NEDD1: variants seen among roughly 807,000 people sequenced by gnomAD.
NEDD1 encodes protein NEDD1.
NEDD1 carries 33 observed loss-of-function variants against 74.0 expected under a neutral mutation model. That is an observed-to-expected ratio of 0.45 (90% confidence interval 0.34 to 0.60). NEDD1 has a LOEUF of 0.60. Ranked by LOEUF, NEDD1 falls within the 20% of genes least tolerant of loss-of-function variation. The pLI is 0.01. For synonymous variants in NEDD1, 250 were observed against 264.4 expected, an observed-to-expected ratio of 0.95 and a Z score of 0.53; for missense variants, 746 against 776.5, an observed-to-expected ratio of 0.96 and a Z score of 0.47.
intron 6 of NEDD1, among the ~76,000 whole-genome samples, chr12:96,921,083 G>T (rs550706437): frequency 6.6e-6 from 1 of 152,114 alleles, no homozygotes; most frequent in East Asian, 1.9e-4. Flanking sequence ...TTTCAGCTAC[G>T]TCTAAGGCTT....
At chr12:96,942,025 C>T (rs1440853630) in intron 10 of NEDD1, among the ~76,000 whole-genome samples, 1 of 152,034 alleles carries the variant, frequency 6.6e-6, no homozygotes, top group African/African-American at 2.4e-5. Flanking sequence ...TTGAATTTTA[C>T]AATTTTTGTT....
At chr12:96,919,854 G>GTA (rs1223972906) in intron 5 of NEDD1, 131 bp from the exon 6 acceptor site, 3 of 559,654 alleles carry the variant, frequency 5.4e-6, no homozygotes, top group Non-Finnish European at 9.3e-6. Context: ...ATAATTCTCT[G>GTA]TATATTTGAG....
chr12:96,933,538 C>CA (rs2136576743), intron 6 of NEDD1, among the ~76,000 whole-genome samples: 1 of 152,116 alleles, frequency 6.6e-6, no homozygotes, highest in East Asian at 1.9e-4. Flanking sequence ...TTTTTCCCAA[C>CA]AAAAATAAAA....
chr12:96,908,011 A>G lies in NEDD1; in HGVS notation c.-9+155A>G, dbSNP rs1230524300. Among the ~76,000 whole-genome samples the G allele has an allele frequency of 5.3e-5, 8 of 152,300 alleles. No homozygotes were observed. In the East Asian group the frequency reaches 9.7e-4, roughly 18 times the overall value. On this transcript the variant is annotated intron_variant, in intron 2 of 15. Coordinates refer to ENST00000266742, the MANE Select transcript of NEDD1 (RefSeq NM_152905.4). ...CAGTGATCTACCCACTACACCCCGC[A>G]GCTCACCAGGCCTGGTTACGATGCA...
intron 10 of NEDD1, among the ~76,000 whole-genome samples, chr12:96,941,134 T>C (rs1877626158): frequency 6.6e-6 from 1 of 152,106 alleles, no homozygotes; most frequent in Non-Finnish European, 1.5e-5. Flanking sequence ...GATACATTTC[T>C]AGAGGGTAAT....
chr12:96,914,903 T>C (rs1874284266), intron 4 of NEDD1, among the ~76,000 whole-genome samples: 1 of 152,176 alleles, frequency 6.6e-6, no homozygotes, highest in South Asian at 2.1e-4. Flanking sequence ...TAAATATAAT[T>C]TTTATTTTGA....
chr12:96,938,970 A>C (rs1451916988), intron 9 of NEDD1, among the ~76,000 whole-genome samples: 1 of 151,940 alleles, frequency 6.6e-6, no homozygotes, highest in African/African-American at 2.4e-5. Context: ...TCCTGTACAC[A>C]TTTAAGATGA....
At chr12:96,917,560 C>G (rs1874594793) in intron 4 of NEDD1, 61 bp from the exon 5 acceptor site, 1 of 1,447,386 alleles carries the variant, frequency 6.9e-7, no homozygotes, top group Admixed American at 2.8e-5. Flanking sequence ...TTGGATGAGA[C>G]CTGAAAGTCA....
chr12:96,917,380 T>C (rs17026100), intron 4 of NEDD1, among the ~76,000 whole-genome samples: 3,031 of 152,264 alleles, frequency 0.02, 96 homozygotes, highest in African/African-American at 0.07. Flanking sequence ...TCGTCACCGG[T>C]CCACAGAAGT....
At chr12:96,907,508 C>A in intron 1 of NEDD1, 96 bp from the exon 2 acceptor site, 1 of 1,052,994 alleles carries the variant, frequency 9.5e-7, no homozygotes, top group Non-Finnish European at 1.4e-6. Flanking sequence ...GCGCACCTCC[C>A]GGAGCCTTGT....
At position 96,937,252 on chromosome 12, in the gene NEDD1, G is replaced by A; in HGVS notation, c.976G>A (p.Val326Ile). 1 of 1,612,802 alleles carries A rather than the reference G, an allele frequency of 6.2e-7. No individual in the cohort carries two copies. Among genetic ancestry groups the A allele is most frequent in the South Asian group, 1.1e-5 (1 of 91,018 alleles). The change falls in exon 9 of 16, where the codon GTT (valine) becomes ATT (isoleucine). Residue 326 changes from valine to isoleucine, a missense_variant. Around this residue, in one of 3 missense-constraint regions of NEDD1, gnomAD observed 706 missense variants for 706.7 expected, o/e 1.00. Transcript: ENST00000266742. ...NKPTTVNKRS[V>I]NVNAASGGVQ... ...GCCCACAACAGTGAACAAACGAAGT[G>A]TTAATGTGAATGCTGCTAGTGGAGG...
chr12:96,918,678 G>A (rs562895360), intron 5 of NEDD1, among the ~76,000 whole-genome samples: 117 of 152,196 alleles, frequency 7.7e-4, no homozygotes, highest in Middle Eastern at 3.4e-3. Context: ...CTCTACAGTC[G>A]TCTCCCTGGT....
intron 4 of NEDD1, among the ~76,000 whole-genome samples, chr12:96,915,754 T>A (rs1434931381): frequency 6.6e-6 from 1 of 152,198 alleles, no homozygotes; most frequent in African/African-American, 2.4e-5. Flanking sequence ...TGAGAAGAAC[T>A]TGACAACATC....
At chr12:96,935,281 T>C (rs1565804044) in intron 7 of NEDD1, 76 bp downstream of exon 7, 2 of 869,148 alleles carry the variant, frequency 2.3e-6, no homozygotes, top group East Asian at 5.0e-5. Flanking sequence ...TTGTGATTTA[T>C]ATAGACCTCT....
intron 4 of NEDD1, among the ~76,000 whole-genome samples, 154 bp from the exon 5 acceptor site, chr12:96,917,467 G>C (rs112980154): frequency 5.9e-5 from 9 of 152,266 alleles, no homozygotes; most frequent in Non-Finnish European, 1.2e-4. Context: ...GAAGAAAGAC[G>C]ATGAGAGAGT....
Position 96,940,410 on chromosome 12 carries a change from T to G in NEDD1, c.1119T>G (p.Gly373=), listed in dbSNP as rs768255272. ...ATTTTTATATCTAATTCCTATAAGG[T>G]TTGCCTCGAAGCATAAACACAGACA... The part of the protein sequence containing the change: ...KGTVAVQEKA[G]LPRSINTDTL... The change falls in exon 10 of 16, where the codon GGT becomes GGG. Residue 373 remains glycine (G), a splice_region_variant and synonymous_variant. Coordinates refer to ENST00000266742, the MANE Select transcript of NEDD1 (RefSeq NM_152905.4). The G allele has an allele frequency of 1.1e-5, 18 of 1,576,112 alleles. No individual in the cohort carries two copies. The South Asian group carries it at 2.0e-4, about 18-fold the overall frequency.
intron 7 of NEDD1, among the ~76,000 whole-genome samples, 167 bp from the exon 8 acceptor site, chr12:96,936,444 C>CT (rs1363066534): frequency 6.6e-6 from 1 of 152,204 alleles, no homozygotes; most frequent in East Asian, 1.9e-4. Flanking sequence ...AGAAATGTCT[C>CT]TAAGTCAAAT....
At chr12:96,914,728 A>AT (rs2136516063) in intron 4 of NEDD1, among the ~76,000 whole-genome samples, 1 of 152,164 alleles carries the variant, frequency 6.6e-6, no homozygotes, top group Non-Finnish European at 1.5e-5. Context: ...ATTTTCTTTG[A>AT]TTTTGTATTT....
chr12:96,931,902 TA>T (rs892166258), intron 6 of NEDD1, among the ~76,000 whole-genome samples: 3 of 152,054 alleles, frequency 2.0e-5, no homozygotes, highest in Admixed American at 1.3e-4. Flanking sequence ...TTCTTTGTGA[TA>T]AAAAAAATTT....
Sources: allele counts gnomAD v4.1 joint callset (sites outside exome capture counted in the v4.1 genomes callset), GRCh38; gene constraint gnomAD v4.1.1; regional missense constraint gnomAD v4.1.1; transcripts MANE v1.5; gene names NCBI Gene and HGNC (gene_info 2026-07-23, HGNC 2026-07-21).